OTOF: variants seen among roughly 807,000 people sequenced by gnomAD.
OTOF encodes fer-1-like family member 2.
Under a neutral mutation model 236.8 loss-of-function variants are expected in OTOF, and 218 were observed. The ratio of observed to expected loss-of-function variants is 0.92; its 90% CI spans 0.82 to 1.03. The LOEUF is 1.03. Ranked by LOEUF, OTOF falls within the 50% of genes least tolerant of loss-of-function variation. The probability of loss-of-function intolerance (pLI) is 0.00; values close to 1 mark genes in which losing one functional copy is unlikely to be tolerated. For synonymous variants in OTOF, 1,041 were observed against 1,072.5 expected (o/e 0.97, Z 0.57); for missense variants, 2,590 against 2,694.4 (o/e 0.96, Z 0.86).
Position 26,482,329 on chromosome 2 carries a change from G to C in OTOF, c.1579+77C>G, listed in dbSNP as rs1050923959. 3.7e-6 allele frequency: 5 copies of C among 1,363,676 alleles called. No individual in the cohort carries two copies. In the African/African-American group the frequency reaches 7.1e-5, roughly 19 times the overall value. 84.5% of individuals were successfully genotyped at this position (1,363,676 alleles called of 1,614,324 possible). On this transcript the variant is annotated intron_variant, in intron 14 of 46. Transcript: ENST00000272371. ...CCAGAGCTGATGACGGTGGTGTGAA[G>C]AGAGGGCATCTCACATATTCCTTCC...
intron 3 of OTOF, among the ~76,000 whole-genome samples, chr2:26,524,233 T>C (rs56688539): frequency 0.18 from 26,247 of 149,522 alleles, 2,767 homozygotes; most frequent in African/African-American, 0.3. Context: ...ACAGGCTGGA[T>C]TTGGTGGCTG....
intron 18 of OTOF, 29 bp downstream of exon 18, chr2:26,479,235 C>G: frequency 6.2e-7 from 1 of 1,611,306 alleles, no homozygotes; most frequent in East Asian, 2.2e-5. Flanking sequence ...CAGGACCCCA[C>G]CCCTGCTGGC....
chr2:26,532,092 CAAAAAAAAA>C (rs150580671), intron 2 of OTOF, among the ~76,000 whole-genome samples: 2 of 80,218 alleles, frequency 2.5e-5, no homozygotes, highest in African/African-American at 6.3e-5. Flanking sequence ...GACTCCACCT[CAAAAAAAAA>C]AAAAAAAAAA....
At chr2:26,501,887 C>G (rs2148078159) in intron 7 of OTOF, 79 bp from the exon 8 acceptor site, 2 of 1,010,110 alleles carry the variant, frequency 2.0e-6, no homozygotes, top group Non-Finnish European at 3.2e-6. Context: ...GTGGTTAGAC[C>G]TGGGAGTGGG....
In OTOF at chr2:26,489,702, C is replaced by G. The variant is rs1299778456; in HGVS notation, c.936G>C (p.Met312Ile). The change falls in exon 10 of 47, where the codon ATG (methionine) becomes ATC (isoleucine). Residue 312 changes from methionine (M) to isoleucine (I), a missense_variant. This residue lies in a region of OTOF where 1,379 missense variants were observed against 1,341.6 expected (regional missense o/e 1.03). Transcript: ENST00000272371. ...VFDFHVSPDV[M>I]FDKIIKISVI... The stretch of plus-strand genomic sequence containing the variant: ...CCGAAATCTTGATGATCTTGTCAAA[C>G]ATGACATCCGGAGAGACATGGAAGT... 6.2e-7 allele frequency: 1 copy of G among 1,613,064 alleles called. No homozygotes were observed. The highest frequency in any genetic ancestry group is 1.7e-5 in the Admixed American group (1 of 60,028).
intron 4 of OTOF, among the ~76,000 whole-genome samples, chr2:26,517,423 T>G (rs1307973349): frequency 1.3e-5 from 2 of 152,342 alleles, no homozygotes; most frequent in African/African-American, 4.8e-5. Flanking sequence ...ATCCTCACTG[T>G]GCTAGGCATC....
intron 1 of OTOF, among the ~76,000 whole-genome samples, chr2:26,550,976 A>G (rs1037412669): frequency 5.3e-5 from 8 of 151,838 alleles, no homozygotes; most frequent in African/African-American, 1.5e-4. Flanking sequence ...TCTGCCTGGG[A>G]TGGAGCCTTT....
Position 26,482,646 on chromosome 2 carries a change from C to CAT in OTOF, c.1393-56_1393-55dup, listed in dbSNP as rs1229269762. Reference sequence around the variant, plus strand: ...CGTGGCATGTGTGTGTGAGTGGGTGCATGTGTGTGTGTGTGAGTGGGCGCA... The same window carrying CAT: ...CGTGGCATGTGTGTGTGAGTGGGTGCATATGTGTGTGTGTGTGAGTGGGCGCA... On this transcript the variant is annotated intron_variant, in intron 13 of 46. Coordinates refer to ENST00000272371, the MANE Select transcript of OTOF (RefSeq NM_194248.3). The CAT allele has an allele frequency of 6.0e-6, 9 of 1,490,536 alleles. No homozygotes were observed. In the African/African-American group the frequency reaches 1.1e-4, roughly 18 times the overall value. 92.3% of individuals were successfully genotyped at this position (1,490,536 alleles called of 1,614,324 possible). A position where few individuals can be genotyped will look rare whatever the true frequency, so the allele number is the denominator to read the frequency against.
intron 1 of OTOF, among the ~76,000 whole-genome samples, chr2:26,544,456 T>G (rs1457595944): frequency 6.6e-6 from 1 of 152,232 alleles, no homozygotes; most frequent in Non-Finnish European, 1.5e-5. Context: ...TGTGTCTGGC[T>G]TCTTTTGGTC....
At position 26,473,625 on chromosome 2, in the gene OTOF, C is replaced by T. The variant is rs1665108825; in HGVS notation, c.3409-58G>A. ...AGAGCCCCTTAGTCAAGGGAGCCAG[C>T]CATGGGGGTGCTGGACCATCCAATA... On this transcript the variant is annotated intron_variant, in intron 27 of 46. Transcript: ENST00000272371. This position sits in a 1 kb window ranked among gnomAD's most constrained non-coding sequence, Gnocchi z 7.2. The T allele has an allele frequency of 6.5e-7, 1 of 1,535,234 alleles. No individual in the cohort carries two copies. The highest frequency in any genetic ancestry group is 1.4e-5 in the African/African-American group (1 of 73,470).
At chr2:26,554,897 C>T (rs1667549071) in intron 1 of OTOF, among the ~76,000 whole-genome samples, 1 of 152,174 alleles carries the variant, frequency 6.6e-6, no homozygotes, top group Non-Finnish European at 1.5e-5. Flanking sequence ...ATGTTCTTAT[C>T]TCACACAGAA....
chr2:26,516,093 C>T (rs1666515801), intron 5 of OTOF, among the ~76,000 whole-genome samples: 1 of 152,150 alleles, frequency 6.6e-6, no homozygotes, highest in South Asian at 2.1e-4. Context: ...AGGGGCCCTC[C>T]TATCCCCAAC....
intron 8 of OTOF, among the ~76,000 whole-genome samples, chr2:26,499,983 T>A (rs1008013473): frequency 6.6e-6 from 1 of 152,208 alleles, no homozygotes; most frequent in African/African-American, 2.4e-5. Context: ...GAGGGGACAA[T>A]GTCTGGTCCA....
chr2:26,464,042 G>C lies in OTOF; in HGVS notation c.5025C>G (p.Pro1675=), dbSNP rs1572404823. 2 of 1,613,626 alleles carry C rather than the reference G, an allele frequency of 1.2e-6. No homozygotes were observed. The highest frequency in any genetic ancestry group is 3.3e-5 in the Admixed American group (2 of 60,016). Residue 1675 remains proline (P), a synonymous_variant, in exon 40 of 47, where the codon CCC becomes CCG. Coordinates refer to ENST00000272371, the MANE Select transcript of OTOF (RefSeq NM_194248.3). ...CTGGCACCAGGCGGCAGCCTGCGCG[G>C]GGGATGTCCTCCCAGTGCCTCAGGG... The part of the protein sequence containing the change: ...LLALRHWEDI[P]RAGCRLVPEH...
rs143015668 is a variant in OTOF at position 26,549,121 on chromosome 2, C to A, written c.79+9372G>T. On this transcript the variant is annotated intron_variant, in intron 1 of 46. Coordinates refer to ENST00000272371, the MANE Select transcript of OTOF (RefSeq NM_194248.3). ...TTCAGTTAAAAATGTTTCATAATTTCTCTTTTACTTCCTTCTTTGACCATA... is the reference window on the plus strand; with the variant it reads ...TTCAGTTAAAAATGTTTCATAATTTATCTTTTACTTCCTTCTTTGACCATA... 1.8e-3 allele frequency among the ~76,000 whole-genome samples: 270 copies of A among 152,156 alleles called. 1 individual carries two copies. Among genetic ancestry groups the A allele is most frequent in the African/African-American group, 3.9e-3 (163 of 41,514 alleles).
intron 3 of OTOF, among the ~76,000 whole-genome samples, chr2:26,527,127 G>A (rs978218117): frequency 1.3e-5 from 2 of 152,228 alleles, no homozygotes; most frequent in African/African-American, 4.8e-5. Flanking sequence ...TATGGCAGGT[G>A]TACTTCACTT....
At chr2:26,526,086 CAA>C (rs796661291) in intron 3 of OTOF, among the ~76,000 whole-genome samples, 24 of 58,414 alleles carry the variant, frequency 4.1e-4, no homozygotes, top group East Asian at 7.0e-4. Context: ...GACTCTGTCT[CAA>C]AAAAAAAAAA....
intron 6 of OTOF, 121 bp downstream of exon 6, chr2:26,503,651 G>C: frequency 3.5e-6 from 3 of 845,532 alleles, no homozygotes; most frequent in South Asian, 2.7e-5. Flanking sequence ...TCACTGGGTG[G>C]GGCCTGGCCC....
rs909550152 is a variant in OTOF, at chr2:26,474,463, C to T, written c.3288+50G>A. The stretch of plus-strand genomic sequence containing the variant: ...TCCAGCCCCCAGCCCTAGGCCCCAA[C>T]TCCCAGCCTCCAGTCCCCAGGCCTC... On this transcript the variant is annotated intron_variant, in intron 26 of 46. Transcript: ENST00000272371. 3 of 1,443,062 alleles carry T rather than the reference C, an allele frequency of 2.1e-6. No homozygotes were observed. In the South Asian group the frequency reaches 3.6e-5, roughly 17 times the overall value. The allele number at this position is 1,443,062 out of a possible 1,614,324, so 89.4% of individuals were successfully genotyped here.
Sources: gnomAD v4.1 joint callset for allele counts (sites outside exome capture counted in the v4.1 genomes callset) on GRCh38, gnomAD v4.1.1 for gene constraint, gnomAD v4.1.1 regional missense constraint, Gnocchi (gnomAD v3.1) non-coding constraint, MANE v1.5 for transcripts, NCBI Gene and HGNC (gene_info 2026-07-23, HGNC 2026-07-21) for gene names.